The following SLC22A24 variants were observed in gnomAD, a reference collection of about 807,000 sequenced individuals.
SLC22A24 encodes solute carrier family 22 member 24, also known as steroid transmembrane transporter SLC22A24.
In SLC22A24, 53 loss-of-function variants were observed where a neutral mutation model predicts 49.8. The ratio of observed to expected loss-of-function variants is 1.06; its 90% CI spans 0.85 to 1.34. SLC22A24 has a LOEUF of 1.34. SLC22A24 is among the 40% of genes most tolerant of loss of function. The pLI, the probability that SLC22A24 is intolerant of heterozygous loss-of-function variation, is 0.00. For missense variants in SLC22A24, 786 were observed against 675.9 expected, an observed-to-expected ratio of 1.16 and a Z score of -1.81; for synonymous variants, 302 against 256.4, an observed-to-expected ratio of 1.18 and a Z score of -1.70.
intron 5 of SLC22A24, 127 bp downstream of exon 5, chr11:63,104,048 A>T (rs1486198028): frequency 6.0e-6 from 5 of 838,534 alleles, no homozygotes; most frequent in South Asian, 4.3e-5. Context: ...TATATATTTT[A>T]TCAGGACAGA....
intron 1 of SLC22A24, 107 bp downstream of exon 1, chr11:63,143,271 A>C: frequency 1.1e-6 from 1 of 899,388 alleles, no homozygotes; most frequent in Non-Finnish European, 1.5e-6. Flanking sequence ...GAATGAGCTG[A>C]CTGCAGGTCC....
At chr11:63,115,687 G>T (rs781243708) in intron 4 of SLC22A24, among the ~76,000 whole-genome samples, 6 of 152,024 alleles carry the variant, frequency 3.9e-5, no homozygotes, top group African/African-American at 1.4e-4. Context: ...GTTCCTATTC[G>T]ACCATCTTGG....
intron 4 of SLC22A24, among the ~76,000 whole-genome samples, chr11:63,112,787 G>A (rs1046617567): frequency 2.6e-5 from 4 of 151,714 alleles, no homozygotes; most frequent in Admixed American, 6.6e-5. Context: ...GCTGAGGCAG[G>A]TGGATCACGA....
intron 4 of SLC22A24, chr11:63,115,799 C>T (rs1590741664): frequency 5.6e-6 from 1 of 177,162 alleles, no homozygotes; most frequent in Non-Finnish European, 1.2e-5. Flanking sequence ...CACCAGAGGA[C>T]CCCAGCCCCA....
At chr11:63,100,753 T>C (rs1203003862) in intron 5 of SLC22A24, among the ~76,000 whole-genome samples, 2 of 152,000 alleles carry the variant, frequency 1.3e-5, no homozygotes, top group Non-Finnish European at 2.9e-5. Flanking sequence ...AATCCCTACA[T>C]CTACAGTGAA....
At chr11:63,104,018 CTT>C (rs2087105861) in intron 5 of SLC22A24, 155 bp downstream of exon 5, 1 of 633,996 alleles carries the variant, frequency 1.6e-6, no homozygotes, top group Admixed American at 3.6e-5. Context: ...ATATCCAAAT[CTT>C]TGACAGGAGG....
chr11:63,106,171 A>G (rs1031867061), intron 4 of SLC22A24, among the ~76,000 whole-genome samples: 3 of 146,538 alleles, frequency 2.0e-5, no homozygotes, highest in Non-Finnish European at 4.5e-5. Flanking sequence ...TATGAGTGAG[A>G]ACATGCGGTG....
intron 4 of SLC22A24, among the ~76,000 whole-genome samples, chr11:63,115,211 G>A (rs938947541): frequency 6.6e-6 from 1 of 152,226 alleles, no homozygotes; most frequent in Admixed American, 6.5e-5. Context: ...GAGCTGTGGT[G>A]GGCTCCACCC....
intron 4 of SLC22A24, among the ~76,000 whole-genome samples, chr11:63,114,868 G>T (rs556295018): frequency 5.3e-5 from 8 of 152,332 alleles, no homozygotes; most frequent in African/African-American, 1.4e-4. Context: ...GACCCTGTTT[G>T]CCTGGGTATC....
chr11:63,083,146 G>T, intron 7 of SLC22A24, 97 bp downstream of exon 7: 2 of 953,714 alleles, frequency 2.1e-6, no homozygotes, highest in Non-Finnish European at 3.2e-6. Context: ...GCTGTCAAGG[G>T]CAATGCTGTT....
Position 63,106,723 on chromosome 11 carries a change from T to C in SLC22A24, c.831-2425A>G, listed in dbSNP as rs371894486. Reference sequence around the variant, plus strand: ...CATGTGTTTTTTGACTGCATAAATGTCTTCTTTTGAGAAGTGTCTGTTCAT... The same window carrying C: ...CATGTGTTTTTTGACTGCATAAATGCCTTCTTTTGAGAAGTGTCTGTTCAT... On this transcript the variant is annotated intron_variant, in intron 4 of 9. Transcript: ENST00000612278. Among the ~76,000 whole-genome samples the C allele has an allele frequency of 5.1e-4, 77 of 152,308 alleles. 1 individual carries two copies. In the South Asian group the frequency reaches 7.2e-3, roughly 14 times the overall value.
At chr11:63,104,028 A>G in intron 5 of SLC22A24, 147 bp downstream of exon 5, 2 of 660,898 alleles carry the variant, frequency 3.0e-6, no homozygotes, top group Non-Finnish European at 4.7e-6. Context: ...CTTTGACAGG[A>G]GGAAAGATAT....
chr11:63,093,253 A>T (rs1315306764), intron 6 of SLC22A24, among the ~76,000 whole-genome samples: 2 of 152,208 alleles, frequency 1.3e-5, no homozygotes, highest in Non-Finnish European at 2.9e-5. Context: ...AGTGTAAATT[A>T]GTTCAACCAT....
At chr11:63,103,189 C>T (rs2087101554) in intron 5 of SLC22A24, among the ~76,000 whole-genome samples, 1 of 152,094 alleles carries the variant, frequency 6.6e-6, no homozygotes, top group East Asian at 1.9e-4. Flanking sequence ...ACATGTTCTT[C>T]TACAGGGCAT....
chr11:63,085,225 C>A (rs189026270), intron 6 of SLC22A24, among the ~76,000 whole-genome samples: 1 of 151,392 alleles, frequency 6.6e-6, no homozygotes, highest in Non-Finnish European at 1.5e-5. Context: ...GAAAGAATAC[C>A]GCATATTACT....
intron 4 of SLC22A24, among the ~76,000 whole-genome samples, chr11:63,118,225 T>TA (rs1298510424): frequency 1.3e-5 from 2 of 151,160 alleles, no homozygotes; most frequent in Non-Finnish European, 3.0e-5. Context: ...TAGCTGTTAT[T>TA]TTTTTTTCAA....
intron 1 of SLC22A24, among the ~76,000 whole-genome samples, 180 bp from the exon 2 acceptor site, chr11:63,134,948 C>G (rs2087363193): frequency 6.6e-6 from 1 of 152,138 alleles, no homozygotes; most frequent in Non-Finnish European, 1.5e-5. Flanking sequence ...AAATACTAAA[C>G]TTATTTCAAC....
At chr11:63,106,390 CAT>C (rs1391159987) in intron 4 of SLC22A24, among the ~76,000 whole-genome samples, 1 of 152,088 alleles carries the variant, frequency 6.6e-6, no homozygotes, top group East Asian at 1.9e-4. Context: ...CTGCAATAAA[CAT>C]ATGTGTGCAT....
chr11:63,103,346 C>A (rs147335135), intron 5 of SLC22A24, among the ~76,000 whole-genome samples: 130 of 152,280 alleles, frequency 8.5e-4, no homozygotes, highest in African/African-American at 2.9e-3. Context: ...GATACTTCCT[C>A]TGTGTTTTCT....
Sources: gnomAD v4.1 joint callset for allele counts (sites outside exome capture counted in the v4.1 genomes callset) on GRCh38, gnomAD v4.1.1 for gene constraint, MANE v1.5 for transcripts, NCBI Gene and HGNC (gene_info 2026-07-23, HGNC 2026-07-21) for gene names.